The following POLR1E variants were observed in gnomAD, a reference collection of about 807,000 sequenced individuals.
The protein encoded by POLR1E is DNA-directed RNA polymerase I subunit RPA49.
In POLR1E, 37 loss-of-function variants were observed where a neutral mutation model predicts 50.9. That is an observed-to-expected ratio of 0.73 (90% CI 0.56 to 0.96). POLR1E has a LOEUF of 0.96. Ranked by LOEUF, POLR1E falls within the 40% of genes least tolerant of loss-of-function variation. The pLI is 0.00. For synonymous variants in POLR1E, 166 were observed against 191.6 expected, an observed-to-expected ratio of 0.87 and a Z score of 1.10; for missense variants, 426 against 518.1, an observed-to-expected ratio of 0.82 and a Z score of 1.73.
At chr9:37,500,568 A>G (rs113196661) in intron 9 of POLR1E, among the ~76,000 whole-genome samples, 9 of 152,248 alleles carry the variant, frequency 5.9e-5, no homozygotes, top group African/African-American at 2.2e-4. Context: ...TTCTAAGGTC[A>G]TGTTAACTCT....
At chr9:37,490,055 T>A (rs1476359225) in intron 4 of POLR1E, among the ~76,000 whole-genome samples, 1 of 152,228 alleles carries the variant, frequency 6.6e-6, no homozygotes, top group East Asian at 1.9e-4. Context: ...TTAGAGGACA[T>A]GTCTGATATA....
intron 4 of POLR1E, among the ~76,000 whole-genome samples, 175 bp downstream of exon 4, chr9:37,489,575 T>C (rs1035173104): frequency 6.6e-6 from 1 of 152,138 alleles, no homozygotes; most frequent in African/African-American, 2.4e-5. Context: ...CACTGTTTTT[T>C]GTTTTTTGTT....
At chr9:37,489,446 G>C in intron 4 of POLR1E, 46 bp downstream of exon 4, 8 of 1,372,890 alleles carry the variant, frequency 5.8e-6, no homozygotes. Flanking sequence ...CATAGTTTGG[G>C]TTTGCTGGAT....
intron 4 of POLR1E, among the ~76,000 whole-genome samples, chr9:37,489,694 C>T (rs1357835982): frequency 1.3e-5 from 2 of 152,056 alleles, no homozygotes; most frequent in African/African-American, 2.4e-5. Flanking sequence ...CTACCTCAGC[C>T]TCCCGAGTAG....
chr9:37,501,287 C>G (rs894262158), intron 10 of POLR1E, among the ~76,000 whole-genome samples: 1 of 152,244 alleles, frequency 6.6e-6, no homozygotes, highest in African/African-American at 2.4e-5. Flanking sequence ...GGGGAAAGAC[C>G]CGCAGGCCCT....
chr9:37,499,578 C>T (rs1387749624), intron 9 of POLR1E, among the ~76,000 whole-genome samples: 2 of 152,134 alleles, frequency 1.3e-5, no homozygotes, highest in Admixed American at 6.5e-5. Flanking sequence ...GTCACCCAGA[C>T]TGGAGTGCAG....
At chr9:37,492,830 C>G in intron 5 of POLR1E, 115 bp downstream of exon 5, 1 of 852,448 alleles carries the variant, frequency 1.2e-6, no homozygotes. Context: ...CTGCTCCCCG[C>G]TCATTCAGTC....
At chr9:37,496,464 C>T (rs1820786595) in intron 8 of POLR1E, among the ~76,000 whole-genome samples, 1 of 151,870 alleles carries the variant, frequency 6.6e-6, no homozygotes, top group Non-Finnish European at 1.5e-5. Flanking sequence ...ATTAAAACAG[C>T]TTCTTTTATG....
Position 37,493,651 on chromosome 9 carries a change from T to C in POLR1E, c.495T>C (p.Asn165=). ...RMNRVGNESL[N]RAVAKAAETI... is the part of the protein sequence containing the mutation. Reference sequence around the variant, plus strand: ...ACAGAGTTGGCAATGAATCTTTGAATCGTGCAGTGGCTAAAGCTGCAGAGA... The same window carrying C: ...ACAGAGTTGGCAATGAATCTTTGAACCGTGCAGTGGCTAAAGCTGCAGAGA... Residue 165 remains asparagine, a synonymous_variant, in exon 6 of 12, where the codon AAT becomes AAC. Coordinates refer to ENST00000377798, the MANE Select transcript of POLR1E (RefSeq NM_022490.4). 1 of 1,609,606 alleles carries C rather than the reference T, an allele frequency of 6.2e-7. No individual in the cohort carries two copies. The highest frequency in any genetic ancestry group is 8.5e-7 in the Non-Finnish European group (1 of 1,177,546).
chr9:37,490,668 G>A (rs1820668102), intron 4 of POLR1E: 2 of 707,712 alleles, frequency 2.8e-6, no homozygotes, highest in Non-Finnish European at 5.2e-6. Context: ...GCCCTTGTTT[G>A]TTTACAACAA....
At position 37,503,403 on chromosome 9, in the gene POLR1E, C is replaced by A. The variant is rs965236974; in HGVS notation, c.*201C>A. ...ACCAGTCTGGACAACATAGGGAGAC[C>A]CCATCTCTACCGGAGGAAAAAAAAA... On this transcript the variant is annotated 3_prime_UTR_variant, in exon 12 of 12. Coordinates refer to ENST00000377798, the MANE Select transcript of POLR1E (RefSeq NM_022490.4). 14 of 470,950 alleles carry A rather than the reference C, an allele frequency of 3.0e-5. No individual in the cohort carries two copies. The highest frequency in any genetic ancestry group is 4.5e-5 in the Non-Finnish European group (13 of 286,490). The allele number at this position is 470,950 out of a possible 1,614,324, so 29.2% of individuals were successfully genotyped here.
intron 9 of POLR1E, among the ~76,000 whole-genome samples, chr9:37,499,133 A>T (rs1370604773): frequency 6.6e-6 from 1 of 152,186 alleles, no homozygotes; most frequent in Non-Finnish European, 1.5e-5. Flanking sequence ...ATGATATTAT[A>T]ATCTTACGGG....
intron 9 of POLR1E, among the ~76,000 whole-genome samples, chr9:37,498,582 TGC>T (rs1480825488): frequency 2.6e-5 from 4 of 152,078 alleles, no homozygotes; most frequent in African/African-American, 7.3e-5. Flanking sequence ...GCCACGTGTG[TGC>T]GTGTGTGTGT....
At chr9:37,486,204 C>T (rs1490019216) in intron 1 of POLR1E, 81 bp downstream of exon 1, 7 of 1,465,918 alleles carry the variant, frequency 4.8e-6, no homozygotes, top group Middle Eastern at 1.8e-4. Flanking sequence ...TCTCGCCCTC[C>T]GTTGGGCTTC....
intron 4 of POLR1E, 94 bp downstream of exon 4, chr9:37,489,494 A>G (rs1305243179): frequency 2.1e-5 from 17 of 815,186 alleles, no homozygotes; most frequent in South Asian, 3.8e-5. Context: ...AACACATTTT[A>G]TAGTTATTTT....
At chr9:37,490,818 G>C in intron 4 of POLR1E, 1 of 596,056 alleles carries the variant, frequency 1.7e-6, no homozygotes, top group Non-Finnish European at 3.2e-6. Flanking sequence ...GTGGCCAAAG[G>C]AACAACTCCA....
At position 37,487,883 on chromosome 9, in the gene POLR1E, C is replaced by T. The variant is rs762560391; in HGVS notation, c.201C>T (p.Leu67=). 3.7e-6 allele frequency: 6 copies of T among 1,614,194 alleles called. No individual in the cohort carries two copies. Among genetic ancestry groups the T allele is most frequent in the Non-Finnish European group, 5.1e-6 (6 of 1,180,028 alleles). The change falls in exon 3 of 12, where the codon CTC becomes CTT. Residue 67 remains leucine (L), a synonymous_variant. Transcript: ENST00000377798. The stretch of plus-strand genomic sequence containing the variant: ...TTTAGGCAGCTGAAACAGATAGGCT[C>T]TCCTATGTGGGAAACAATTTTGGGA... ...QRILAAETDR[L]SYVGNNFGTG...
chr9:37,499,656 G>C (rs1820843520), intron 9 of POLR1E, among the ~76,000 whole-genome samples: 1 of 151,746 alleles, frequency 6.6e-6, no homozygotes, highest in African/African-American at 2.4e-5. Flanking sequence ...AGCCTCCCGA[G>C]TAGCTGGGAT....
intron 8 of POLR1E, among the ~76,000 whole-genome samples, chr9:37,497,561 C>T (rs1256947094): frequency 9.2e-5 from 14 of 152,190 alleles, no homozygotes; most frequent in Non-Finnish European, 5.9e-5. Flanking sequence ...TATTGGAGCA[C>T]AGCCCTGTTC....
Sources: gnomAD v4.1 joint callset for allele counts (sites outside exome capture counted in the v4.1 genomes callset) on GRCh38, gnomAD v4.1.1 for gene constraint, MANE v1.5 for transcripts, NCBI Gene and HGNC (gene_info 2026-07-23, HGNC 2026-07-21) for gene names.